The following PRAMEF15 variants were observed in gnomAD, a reference collection of about 807,000 sequenced individuals.
PRAMEF15 encodes PRAME family member 9/15.
In PRAMEF15, 21 loss-of-function variants were observed where a neutral mutation model predicts 35.3. The ratio of observed to expected loss-of-function variants is 0.59; its 90% CI spans 0.42 to 0.86. The LOEUF (loss-of-function observed/expected upper bound fraction) is 0.86. Ranked by LOEUF, PRAMEF15 falls within the 40% of genes least tolerant of loss-of-function variation. The pLI, the probability that PRAMEF15 is intolerant of heterozygous loss-of-function variation, is 0.00. For synonymous variants in PRAMEF15, 122 were observed against 223.3 expected, an observed-to-expected ratio of 0.55 and a Z score of 4.05; for missense variants, 360 against 574.1, an observed-to-expected ratio of 0.63 and a Z score of 3.81.
chr1:13,320,119 T>C (rs1258813914), intron 3 of PRAMEF15, among the ~76,000 whole-genome samples, 166 bp downstream of exon 3: 7,658 of 151,004 alleles, frequency 0.051, 375 homozygotes, highest in East Asian at 0.27. Flanking sequence ...ATGGGTATCA[T>C]GCAACCATCC....
In PRAMEF15 at chr1:13,322,018, G is replaced by A. The variant is rs1335263887; in HGVS notation, c.1191G>A (p.Leu397=). 1.5e-5 allele frequency: 24 copies of A among 1,609,652 alleles called. No individual in the cohort carries two copies. The Admixed American group carries it at 3.8e-4, about 26-fold the overall frequency. The change falls in exon 4 of 4, where the codon CTG becomes CTA. Residue 397 remains leucine (L), a synonymous_variant. Coordinates refer to ENST00000376152, the MANE Select transcript of PRAMEF15 (RefSeq NM_001098376.3). ...GAAATCCCATCTGCATGGCCACCCTGGAGAACCTGCTGAGCCACACAATCA... is the reference window on the plus strand; with the variant it reads ...GAAATCCCATCTGCATGGCCACCCTAGAGAACCTGCTGAGCCACACAATCA... ...FCGNPICMAT[L]ENLLSHTIIL...
intron 3 of PRAMEF15, among the ~76,000 whole-genome samples, chr1:13,321,096 G>A (rs1640078148): frequency 6.6e-6 from 1 of 151,900 alleles, no homozygotes. Context: ...GGCTCCTGCG[G>A]CCCAGGGATG....
Position 13,321,992 on chromosome 1 carries a change from G to A in PRAMEF15, c.1165G>A (p.Gly389Arg), listed in dbSNP as rs1207513893. The change falls in exon 4 of 4, where the codon GGA becomes AGA. Residue 389 changes from glycine (G) to arginine (R), a missense_variant. Around this residue, in one of 8 missense-constraint regions of PRAMEF15, gnomAD observed 147 missense variants for 123.5 expected, o/e 1.19. Transcript: ENST00000376152. The part of the protein sequence containing the change: ...CFELNTFSFC[G>R]NPICMATLEN... The stretch of plus-strand genomic sequence containing the variant: ...TGAGCTCAACACCTTCAGCTTCTGT[G>A]GAAATCCCATCTGCATGGCCACCCT... 3 of 1,610,462 alleles carry A rather than the reference G, an allele frequency of 1.9e-6. No homozygotes were observed. Among genetic ancestry groups the A allele is most frequent in the Non-Finnish European group, 2.5e-6 (3 of 1,179,302 alleles).
intron 1 of PRAMEF15, among the ~76,000 whole-genome samples, chr1:13,316,304 A>T (rs1640001614): frequency 6.6e-6 from 1 of 151,638 alleles, no homozygotes; most frequent in South Asian, 2.1e-4. Context: ...ATGCATCTGT[A>T]GTCCCAGCTA....
intron 1 of PRAMEF15, among the ~76,000 whole-genome samples, chr1:13,317,889 G>T (rs1168666167): frequency 6.7e-6 from 1 of 149,784 alleles, no homozygotes; most frequent in Non-Finnish European, 1.5e-5. Flanking sequence ...AAGAAGGGAG[G>T]GAGAGAGGGA....
rs1374436246 is a variant in PRAMEF15, at chr1:13,317,772, T to C, written c.-16-620T>C. ...GGCTGGGTGACAGAGCAAGACTCTG[T>C]CAGAAAGAGTGAGAGAGGGAGAGAG... On this transcript the variant is annotated intron_variant, in intron 1 of 3. Transcript: ENST00000376152. Among the ~76,000 whole-genome samples, 206 of 147,294 alleles carry C rather than the reference T, an allele frequency of 1.4e-3. 1 individual carries two copies. Among genetic ancestry groups the C allele is most frequent in the South Asian group, 7.2e-3 (34 of 4,690 alleles).
intron 2 of PRAMEF15, 124 bp from the exon 3 acceptor site, chr1:13,319,248 A>C (rs1482438457): frequency 2.6e-6 from 4 of 1,521,976 alleles, no homozygotes; most frequent in Admixed American, 1.8e-5. Flanking sequence ...AGGGGAAAAC[A>C]GAGTGAAGAA....
At position 13,321,793 on chromosome 1, in the gene PRAMEF15, C is replaced by G. The variant is rs1454263670; in HGVS notation, c.966C>G (p.Ile322Met). The stretch of plus-strand genomic sequence containing the variant: ...AGCATCTATCCCAGTGCCCGAGTAT[C>G]AGTCAACTAAAGACCCTGGACCTGA... Reference protein sequence around the residue: ...DLKHLSQCPSISQLKTLDLSG... With the variant: ...DLKHLSQCPSMSQLKTLDLSG... Residue 322 changes from isoleucine (I) to methionine (M), a missense_variant, in exon 4 of 4, where the codon ATC becomes ATG. By Grantham distance (10) the Ile-to-Met change is conservative. This residue lies in a region of PRAMEF15 where 72 missense variants were observed against 79.9 expected (regional missense o/e 0.90). Transcript: ENST00000376152. The G allele has an allele frequency of 1.9e-6, 3 of 1,608,762 alleles. No homozygotes were observed. Among genetic ancestry groups the G allele is most frequent in the Non-Finnish European group, 2.5e-6 (3 of 1,177,694 alleles).
Position 13,319,404 on chromosome 1 carries a change from A to T in PRAMEF15, c.326A>T (p.Asp109Val). ...AAACTCCAAGTGCTGGATTTACAGG[A>T]TGTCTGTGAGAACTTCTGGATGGTT... ...RWKLQVLDLQ[D>V]VCENFWMVWS... Residue 109 changes from aspartate to valine, a missense_variant, in exon 3 of 4, where the codon GAT (aspartate) becomes GTT (valine). Asp to Val is a radical substitution (Grantham distance 152). Transcript: ENST00000376152. 6.2e-7 allele frequency: 1 copy of T among 1,611,976 alleles called. No homozygotes were observed. The highest frequency in any genetic ancestry group is 8.5e-7 in the Non-Finnish European group (1 of 1,179,824).
intron 1 of PRAMEF15, among the ~76,000 whole-genome samples, chr1:13,315,894 T>C (rs1206061557): frequency 3.8e-4 from 57 of 151,474 alleles, no homozygotes; most frequent in Non-Finnish European, 5.6e-4. Flanking sequence ...GAGCAGTGAC[T>C]CATGCCTTTA....
chr1:13,322,483 G>A lies in PRAMEF15; in HGVS notation c.*219G>A, dbSNP rs1297231486. The A allele has an allele frequency of 4.9e-5, 38 of 774,716 alleles. 2 individuals carry two copies. The highest frequency in any genetic ancestry group is 1.8e-4 in the African/African-American group (10 of 56,844). 48.0% of individuals were successfully genotyped at this position (774,716 alleles called of 1,614,324 possible). A position where few individuals can be genotyped will look rare whatever the true frequency, so the allele number is the denominator to read the frequency against. On this transcript the variant is annotated 3_prime_UTR_variant, in exon 4 of 4. Coordinates refer to ENST00000376152, the MANE Select transcript of PRAMEF15 (RefSeq NM_001098376.3). ...TTGGGGACCTGTGTCCTGTAGATTC[G>A]AAAATGGGAATCTGAATGTCTAGAG...
chr1:13,321,725 G>C lies in PRAMEF15; in HGVS notation c.898G>C (p.Val300Leu). The change falls in exon 4 of 4, where the codon GTC becomes CTC. Residue 300 changes from valine to leucine, a missense_variant. Physicochemically the swap from Val to Leu is conservative, Grantham distance 32. Around this residue, in one of 8 missense-constraint regions of PRAMEF15, gnomAD observed 72 missense variants for 79.9 expected, o/e 0.90. Transcript: ENST00000376152. ...LLSCLKTSLK[V>L]LTITNCVLLE... ...CAGCTGTCTGAAGACCTCGTTAAAA[G>C]TCCTCACAATAACTAACTGTGTGCT... 1 of 1,607,872 alleles carries C rather than the reference G, an allele frequency of 6.2e-7. No homozygotes were observed. The highest frequency in any genetic ancestry group is 8.5e-7 in the Non-Finnish European group (1 of 1,177,286).
chr1:13,319,983 G>T (rs1351881839), intron 3 of PRAMEF15, 30 bp downstream of exon 3: 5 of 1,610,554 alleles, frequency 3.1e-6, no homozygotes, highest in Non-Finnish European at 4.2e-6. Flanking sequence ...TTTCTCTGCA[G>T]ACCACAGCAG....
chr1:13,322,430 G>T lies in PRAMEF15; in HGVS notation c.*166G>T. ...GATCAAGCAGGGGCCGGACTTGGGG[G>T]AAATGTTGCCATGGATTCGATGGGA... is the stretch of plus-strand genomic sequence containing the variant. On this transcript the variant is annotated 3_prime_UTR_variant, in exon 4 of 4. Coordinates refer to ENST00000376152, the MANE Select transcript of PRAMEF15 (RefSeq NM_001098376.3). The T allele has an allele frequency of 4.2e-6, 3 of 722,084 alleles. No homozygotes were observed. In the South Asian group the frequency reaches 5.8e-5, roughly 14 times the overall value. The allele number at this position is 722,084 out of a possible 1,614,324, so 44.7% of individuals were successfully genotyped here.
chr1:13,316,862 C>T (rs1275309907), intron 1 of PRAMEF15, among the ~76,000 whole-genome samples: 2 of 151,098 alleles, frequency 1.3e-5, no homozygotes, highest in Admixed American at 6.6e-5. Flanking sequence ...AGATTCAACC[C>T]TTCCCTGTCT....
At chr1:13,319,195 A>G (rs1640047393) in intron 2 of PRAMEF15, among the ~76,000 whole-genome samples, 177 bp from the exon 3 acceptor site, 1 of 134,140 alleles carries the variant, frequency 7.5e-6, no homozygotes, top group Admixed American at 7.2e-5. Flanking sequence ...CTTGGTCTCA[A>G]AAAAAAAAAA....
At chr1:13,317,849 A>T (rs1176382637) in intron 1 of PRAMEF15, among the ~76,000 whole-genome samples, 5 of 151,344 alleles carry the variant, frequency 3.3e-5, no homozygotes, top group African/African-American at 1.2e-4. Flanking sequence ...GACAAGAAAG[A>T]AAGAAGGGAG....
At chr1:13,320,343 G>A (rs1468522707) in intron 3 of PRAMEF15, among the ~76,000 whole-genome samples, 2 of 152,100 alleles carry the variant, frequency 1.3e-5, no homozygotes, top group African/African-American at 2.4e-5. Context: ...AGGATAGCTT[G>A]AGCCTAGGAG....
chr1:13,317,458 A>G (rs1463099873), intron 1 of PRAMEF15, among the ~76,000 whole-genome samples: 6 of 151,846 alleles, frequency 4.0e-5, no homozygotes, highest in African/African-American at 1.5e-4. Context: ...ATAGCTTTCA[A>G]AGCTTCTCAC....
Sources: gnomAD v4.1 joint callset for allele counts (sites outside exome capture counted in the v4.1 genomes callset) on GRCh38, gnomAD v4.1.1 for gene constraint, gnomAD v4.1.1 regional missense constraint, MANE v1.5 for transcripts, NCBI Gene and HGNC (gene_info 2026-07-23, HGNC 2026-07-21) for gene names.